Variants in FCHSD2 observed in about 807,000 individuals in gnomAD.
FCHSD2 encodes the protein F-BAR and double SH3 domains protein 2.
In FCHSD2, 38 loss-of-function variants were observed where a neutral mutation model predicts 108.1. The observed-to-expected ratio is 0.35, with a 90% CI of 0.27 to 0.46. The LOEUF (loss-of-function observed/expected upper bound fraction) is 0.46, where lower values mean the gene tolerates loss of function less well. Among genes scored for constraint, FCHSD2 ranks in the 20% least tolerant of loss-of-function variants. The pLI, the probability that FCHSD2 is intolerant of heterozygous loss-of-function variation, is 1.00. For missense variants in FCHSD2, 751 were observed against 897.8 expected (o/e 0.84, Z 2.09); for synonymous variants, 279 against 314.7 (o/e 0.89, Z 1.20).
intron 8 of FCHSD2, among the ~76,000 whole-genome samples, chr11:72,958,581 C>T (rs1005349487): frequency 1.6e-4 from 24 of 152,098 alleles, no homozygotes; most frequent in African/African-American, 5.1e-4. Flanking sequence ...GTAAACACCA[C>T]GGAACAAAAT....
intron 8 of FCHSD2, among the ~76,000 whole-genome samples, chr11:72,978,300 A>C (rs1046287865): frequency 6.6e-6 from 1 of 152,180 alleles, no homozygotes; most frequent in African/African-American, 2.4e-5. Flanking sequence ...CCCAGAACTT[A>C]AAGTATAATA....
At chr11:72,974,855 AAAGCAGAATT>A (rs768008987) in intron 8 of FCHSD2, among the ~76,000 whole-genome samples, 4 of 152,212 alleles carry the variant, frequency 2.6e-5, no homozygotes, top group Non-Finnish European at 5.9e-5. Context: ...TAACAGAATT[AAAGCAGAATT>A]AAGCAGAATT....
intron 2 of FCHSD2, among the ~76,000 whole-genome samples, chr11:73,129,160 C>G (rs755699337): frequency 2.0e-5 from 3 of 152,176 alleles, no homozygotes; most frequent in African/African-American, 7.2e-5. Context: ...CATGAGCCAC[C>G]GCGCCTGGCC....
chr11:72,936,230 T>C (rs1480666351), intron 8 of FCHSD2, among the ~76,000 whole-genome samples: 3 of 152,182 alleles, frequency 2.0e-5, no homozygotes, highest in African/African-American at 7.2e-5. Flanking sequence ...GAGAATTTCA[T>C]CTATCTCCCT....
intron 8 of FCHSD2, among the ~76,000 whole-genome samples, chr11:72,928,853 C>G (rs958603757): frequency 1.3e-5 from 2 of 152,142 alleles, no homozygotes; most frequent in African/African-American, 4.8e-5. Context: ...GGTATATCTC[C>G]TAATGCTATC....
At chr11:73,004,800 C>G (rs1857705519) in intron 4 of FCHSD2, among the ~76,000 whole-genome samples, 1 of 152,152 alleles carries the variant, frequency 6.6e-6, no homozygotes, top group Non-Finnish European at 1.5e-5. Flanking sequence ...TGCTACCCAG[C>G]AAGGGTACTA....
chr11:72,982,067 A>G (rs1475432909), intron 8 of FCHSD2, among the ~76,000 whole-genome samples: 1 of 152,238 alleles, frequency 6.6e-6, no homozygotes, highest in East Asian at 1.9e-4. Context: ...GAGATGACAA[A>G]ACAGTTCCTT....
chr11:73,086,561 C>G (rs1410946228), intron 2 of FCHSD2, among the ~76,000 whole-genome samples: 1 of 152,018 alleles, frequency 6.6e-6, no homozygotes, highest in Non-Finnish European at 1.5e-5. Context: ...TAAACAAAGA[C>G]AGTAGAAAAA....
chr11:72,969,900 T>C (rs1477582833), intron 8 of FCHSD2, among the ~76,000 whole-genome samples: 4 of 152,198 alleles, frequency 2.6e-5, no homozygotes, highest in African/African-American at 4.8e-5. Context: ...CTGACCCTCA[T>C]TATTACAGGA....
chr11:73,126,586 A>G (rs1393562950), intron 2 of FCHSD2, among the ~76,000 whole-genome samples: 1 of 152,164 alleles, frequency 6.6e-6, no homozygotes. Flanking sequence ...GCATTTTAGC[A>G]TCAACTAATA....
At chr11:73,011,934 G>A (rs191573725) in intron 4 of FCHSD2, among the ~76,000 whole-genome samples, 2 of 152,164 alleles carry the variant, frequency 1.3e-5, no homozygotes, top group African/African-American at 2.4e-5. Flanking sequence ...GAGGAGGTAC[G>A]AAGTGCCCCT....
At chr11:72,926,424 G>T (rs1217156366) in intron 8 of FCHSD2, among the ~76,000 whole-genome samples, 1 of 152,092 alleles carries the variant, frequency 6.6e-6, no homozygotes, top group Non-Finnish European at 1.5e-5. Flanking sequence ...CTAATAGCTG[G>T]AGACGATGGG....
In FCHSD2 at chr11:73,109,763, C is replaced by G. The variant is rs538140660; in HGVS notation, c.120-26023G>C. On this transcript the variant is annotated intron_variant, in intron 2 of 19. Transcript: ENST00000409418. ...AGTAACAGTAGTGACAGTGGGCATC[C>G]TTGCCATGTTCCAGATCTTAGAGGA... Among the ~76,000 whole-genome samples, 4 of 152,258 alleles carry G rather than the reference C, an allele frequency of 2.6e-5. No homozygotes were observed. In the East Asian group the frequency reaches 7.7e-4, roughly 29 times the overall value.
At chr11:72,850,670 T>C (rs1861261313) in intron 13 of FCHSD2, among the ~76,000 whole-genome samples, 1 of 152,114 alleles carries the variant, frequency 6.6e-6, no homozygotes, top group Admixed American at 6.5e-5. Context: ...AGATTTTTTT[T>C]AAATCAAGAA....
chr11:72,939,229 G>T (rs1056736043), intron 8 of FCHSD2, among the ~76,000 whole-genome samples: 5 of 152,086 alleles, frequency 3.3e-5, no homozygotes, highest in Non-Finnish European at 5.9e-5. Context: ...AGCAGAGGAC[G>T]TTCAGGAAGG....
At chr11:72,942,842 T>TA (rs1423821545) in intron 8 of FCHSD2, among the ~76,000 whole-genome samples, 7 of 152,118 alleles carry the variant, frequency 4.6e-5, no homozygotes, top group Admixed American at 2.6e-4. Context: ...AGTGCAGTGG[T>TA]ATGATCATAG....
intron 3 of FCHSD2, among the ~76,000 whole-genome samples, chr11:73,050,427 T>G (rs769299604): frequency 2.0e-5 from 3 of 152,196 alleles, no homozygotes; most frequent in Non-Finnish European, 4.4e-5. Flanking sequence ...ATAAACCATA[T>G]AGAAAGAATA....
intron 8 of FCHSD2, chr11:72,983,726 A>G: frequency 2.6e-6 from 1 of 389,630 alleles, no homozygotes; most frequent in South Asian, 2.0e-5. Flanking sequence ...TAATTTATTG[A>G]AACCATGACA....
intron 3 of FCHSD2, among the ~76,000 whole-genome samples, chr11:73,052,906 G>GA (rs1858934435): frequency 6.6e-6 from 1 of 152,086 alleles, no homozygotes; most frequent in East Asian, 1.9e-4. Context: ...GAGAGCAGTG[G>GA]TGTGGTGTCA....
Sources: allele counts gnomAD v4.1 joint callset (sites outside exome capture counted in the v4.1 genomes callset), GRCh38; gene constraint gnomAD v4.1.1; transcripts MANE v1.5; gene names NCBI Gene and HGNC (gene_info 2026-07-23, HGNC 2026-07-21).